Variants in PITPNB observed in about 807,000 individuals in gnomAD.
PITPNB encodes the protein phosphatidylinositol transfer protein beta isoform.
PITPNB carries 16 observed loss-of-function variants against 45.9 expected under a neutral mutation model. The observed-to-expected ratio is 0.35, with a 90% confidence interval of 0.24 to 0.53. The LOEUF (loss-of-function observed/expected upper bound fraction) is 0.53, where lower values mean the gene tolerates loss of function less well. Ranked by LOEUF, PITPNB falls within the 20% of genes least tolerant of loss-of-function variation. The pLI, the probability that PITPNB is intolerant of heterozygous loss-of-function variation, is 0.93. For synonymous variants in PITPNB, 112 were observed against 108.9 expected, an observed-to-expected ratio of 1.03 and a Z score of -0.18; for missense variants, 188 against 330.5, an observed-to-expected ratio of 0.57 and a Z score of 3.34.
At chr22:27,878,845 C>T (rs1221116432) in intron 7 of PITPNB, among the ~76,000 whole-genome samples, 1 of 152,158 alleles carries the variant, frequency 6.6e-6, no homozygotes, top group Non-Finnish European at 1.5e-5. Context: ...TTGTCAATAA[C>T]TTGTTGGCCT....
intron 8 of PITPNB, among the ~76,000 whole-genome samples, chr22:27,861,024 GAAA>G (rs35013749): frequency 0.051 from 2,928 of 57,706 alleles, 56 homozygotes; most frequent in African/African-American, 0.096. Flanking sequence ...CCCATTTCTG[GAAA>G]AAAAAAAAAA....
intron 7 of PITPNB, among the ~76,000 whole-genome samples, chr22:27,874,079 C>G (rs1197033734): frequency 1.3e-5 from 2 of 152,240 alleles, no homozygotes; most frequent in African/African-American, 4.8e-5. Context: ...TGACTGGTTA[C>G]TGGACAGCTG....
intron 11 of PITPNB, 62 bp from the exon 12 acceptor site, chr22:27,853,725 A>G: frequency 1.8e-6 from 2 of 1,130,470 alleles, no homozygotes; most frequent in Non-Finnish European, 2.6e-6. Context: ...AAATGTTAGC[A>G]GCTCGTCACA....
At chr22:27,885,370 C>T (rs1169737174) in intron 7 of PITPNB, among the ~76,000 whole-genome samples, 1 of 151,854 alleles carries the variant, frequency 6.6e-6, no homozygotes, top group Non-Finnish European at 1.5e-5. Context: ...GGTTGTGTAT[C>T]AGTGACAACT....
chr22:27,909,863 T>G (rs957140348), intron 3 of PITPNB, among the ~76,000 whole-genome samples: 1 of 151,966 alleles, frequency 6.6e-6, no homozygotes, highest in African/African-American at 2.4e-5. Context: ...CACTGCAACC[T>G]CTAACTCCTG....
At chr22:27,900,782 AT>A (rs962621109) in intron 3 of PITPNB, among the ~76,000 whole-genome samples, 10 of 152,196 alleles carry the variant, frequency 6.6e-5, no homozygotes, top group African/African-American at 2.4e-4. Flanking sequence ...CATATACATC[AT>A]TTTGCCACCA....
At chr22:27,905,091 T>C (rs1935717770) in intron 3 of PITPNB, among the ~76,000 whole-genome samples, 1 of 152,244 alleles carries the variant, frequency 6.6e-6, no homozygotes, top group South Asian at 2.1e-4. Flanking sequence ...CATGTGTCTA[T>C]GATGGCTAAT....
At chr22:27,869,114 G>A (rs1934572413) in intron 8 of PITPNB, among the ~76,000 whole-genome samples, 1 of 152,020 alleles carries the variant, frequency 6.6e-6, no homozygotes, top group Admixed American at 6.6e-5. Context: ...TGCACACAGT[G>A]CTATAGAGAA....
intron 7 of PITPNB, among the ~76,000 whole-genome samples, chr22:27,885,804 T>C (rs1569019715): frequency 1.3e-5 from 2 of 152,208 alleles, no homozygotes; most frequent in Non-Finnish European, 2.9e-5. Context: ...AAAAGCCTTT[T>C]CTTCTTCTTT....
intron 3 of PITPNB, among the ~76,000 whole-genome samples, chr22:27,909,921 A>G (rs1196724324): frequency 2.6e-5 from 4 of 151,464 alleles, no homozygotes; most frequent in Non-Finnish European, 2.9e-5. Context: ...CTGGGACCAT[A>G]AGCGTACACC....
At chr22:27,894,077 C>T (rs541630902) in intron 7 of PITPNB, 2 of 152,432 alleles carry the variant, frequency 1.3e-5, no homozygotes, top group South Asian at 2.1e-4. Flanking sequence ...AAATACTCTA[C>T]ACCTACTTCT....
At chr22:27,896,862 TAAA>T (rs1935447261) in intron 5 of PITPNB, 1 of 606,242 alleles carries the variant, frequency 1.6e-6, no homozygotes, top group South Asian at 2.1e-5. Context: ...ATCGGGCTAA[TAAA>T]GAAGCTGTGA....
chr22:27,906,994 C>T (rs1935781843), intron 3 of PITPNB, among the ~76,000 whole-genome samples: 1 of 152,116 alleles, frequency 6.6e-6, no homozygotes, highest in African/African-American at 2.4e-5. Context: ...TTGAGTTATA[C>T]TGGCTAAAGT....
intron 10 of PITPNB, among the ~76,000 whole-genome samples, chr22:27,858,151 C>T (rs1379491117): frequency 3.3e-5 from 5 of 152,132 alleles, no homozygotes; most frequent in African/African-American, 1.2e-4. Context: ...TAACAGGTAA[C>T]CAATTCTAGA....
chr22:27,892,902 G>A (rs974819684), intron 7 of PITPNB, among the ~76,000 whole-genome samples: 1 of 152,194 alleles, frequency 6.6e-6, no homozygotes, highest in African/African-American at 2.4e-5. Context: ...CTGGGTCACT[G>A]CTGGCAGTCT....
rs555724000 is a variant in PITPNB, at chr22:27,901,899, AAT to A, written c.198-4009_198-4008del. The stretch of plus-strand genomic sequence containing the variant: ...CTGTGTCTCAAAAATAATAATAATA[AAT>A]ATATATATACCTACATACATAAAAT... On this transcript the variant is annotated intron_variant, in intron 3 of 11. Coordinates refer to ENST00000335272, the MANE Select transcript of PITPNB (RefSeq NM_012399.5). Among the ~76,000 whole-genome samples, 8 of 151,720 alleles carry A rather than the reference AAT, an allele frequency of 5.3e-5. No individual in the cohort carries two copies. In the South Asian group the frequency reaches 1.5e-3, roughly 28 times the overall value.
chr22:27,875,230 A>G (rs148216777), intron 7 of PITPNB, among the ~76,000 whole-genome samples: 386 of 152,378 alleles, frequency 2.5e-3, no homozygotes, highest in African/African-American at 8.1e-3. Context: ...CAATAAGCTC[A>G]AAGTATTAAA....
intron 7 of PITPNB, among the ~76,000 whole-genome samples, chr22:27,892,389 C>G (rs1935305456): frequency 6.6e-6 from 1 of 152,200 alleles, no homozygotes; most frequent in Non-Finnish European, 1.5e-5. Context: ...ATCTTGTACT[C>G]TGCTGGTGAA....
intron 3 of PITPNB, among the ~76,000 whole-genome samples, chr22:27,902,770 G>A (rs1229809720): frequency 6.6e-6 from 1 of 152,148 alleles, no homozygotes. Flanking sequence ...CTAGGCTGGA[G>A]AACAGTGGTG....
Sources: allele counts gnomAD v4.1 joint callset (sites outside exome capture counted in the v4.1 genomes callset), GRCh38; gene constraint gnomAD v4.1.1; transcripts MANE v1.5; gene names NCBI Gene and HGNC (gene_info 2026-07-23, HGNC 2026-07-21).